The following SH3RF1 variants were observed in gnomAD, a reference collection of about 807,000 sequenced individuals.
SH3RF1 encodes E3 ubiquitin-protein ligase SH3RF1.
A neutral mutation model predicts 74.0 loss-of-function variants in SH3RF1; 32 were observed. The ratio of observed to expected loss-of-function variants is 0.43; its 90% CI spans 0.33 to 0.58. The LOEUF (loss-of-function observed/expected upper bound fraction) is 0.58. SH3RF1 is among the 20% of genes least tolerant of loss of function. The pLI is 0.05. For synonymous variants in SH3RF1, 396 were observed against 439.6 expected (o/e 0.90, Z 1.24); for missense variants, 954 against 1,130.9 (o/e 0.84, Z 2.24).
At chr4:169,189,188 A>G (rs1244820992) in intron 2 of SH3RF1, among the ~76,000 whole-genome samples, 1 of 152,246 alleles carries the variant, frequency 6.6e-6, no homozygotes, top group African/African-American at 2.4e-5. Context: ...GCAAAAGTGA[A>G]TATTTACCAC....
chr4:169,121,031 A>T lies in SH3RF1; in HGVS notation c.1347-42T>A. The T allele has an allele frequency of 2.0e-6, 3 of 1,527,668 alleles. No homozygotes were observed. In the South Asian group the frequency reaches 3.4e-5, roughly 17 times the overall value. The allele number at this position is 1,527,668 out of a possible 1,614,324, so 94.6% of individuals were successfully genotyped here. On this transcript the variant is annotated intron_variant, in intron 7 of 11. Coordinates refer to ENST00000284637, the MANE Select transcript of SH3RF1 (RefSeq NM_020870.4). ...TATTTGATTTCAGGTTGAGTAACAG[A>T]CAAATCCCAAGATGCTCAAAATTCT...
In SH3RF1 at chr4:169,099,669, T is replaced by C. The variant is rs181814635; in HGVS notation, c.2499-2982A>G. Among the ~76,000 whole-genome samples, 8 of 152,306 alleles carry C rather than the reference T, an allele frequency of 5.3e-5. No individual in the cohort carries two copies. The East Asian group carries it at 7.7e-4, about 15-fold the overall frequency. ...CCTTAAAGGTGAAATGGAATAAAAA[T>C]GGTTATTGAAAAACTTGAAGTGAAT... On this transcript the variant is annotated intron_variant, in intron 11 of 11. Coordinates refer to ENST00000284637, the MANE Select transcript of SH3RF1 (RefSeq NM_020870.4).
intron 2 of SH3RF1, among the ~76,000 whole-genome samples, chr4:169,181,476 T>C (rs11931662): frequency 0.39 from 58,689 of 151,670 alleles, 13,301 homozygotes; most frequent in East Asian, 0.71. Context: ...TTGGCCAGGA[T>C]GGTCTCGATC....
chr4:169,101,519 G>A (rs1293943503), intron 11 of SH3RF1, among the ~76,000 whole-genome samples: 1 of 152,046 alleles, frequency 6.6e-6, no homozygotes, highest in Admixed American at 6.6e-5. Context: ...AAAAGTTCTA[G>A]AAACGGATAG....
At chr4:169,117,831 A>G in intron 8 of SH3RF1, 49 bp from the exon 9 acceptor site, 1 of 1,569,588 alleles carries the variant, frequency 6.4e-7, no homozygotes. Context: ...CAGCAAAATG[A>G]CAGAAAGAAC....
intron 2 of SH3RF1, among the ~76,000 whole-genome samples, chr4:169,192,674 G>A (rs1354845477): frequency 6.6e-6 from 1 of 151,876 alleles, no homozygotes; most frequent in East Asian, 1.9e-4. Flanking sequence ...ATATGAAAAA[G>A]ATACTTGAAC....
At position 169,094,628 on chromosome 4, in the gene SH3RF1, GAC is replaced by G. The variant is rs1456425845; in HGVS notation, c.*1889_*1890del. ...AATTTCCCAAAATAAAGAATATTAT[GAC>G]ACATTGGTGTCAACTTACACAGATG... On this transcript the variant is annotated 3_prime_UTR_variant, in exon 12 of 12. Transcript: ENST00000284637. 6.6e-6 allele frequency: 1 copy of G among 152,088 alleles called. No individual in the cohort carries two copies. Among genetic ancestry groups the G allele is most frequent in the African/African-American group, 2.4e-5 (1 of 41,350 alleles). 9.4% of individuals were successfully genotyped at this position (152,088 alleles called of 1,614,324 possible). A position where few individuals can be genotyped will look rare whatever the true frequency, so the allele number is the denominator to read the frequency against.
chr4:169,171,209 T>C (rs1734322044), intron 2 of SH3RF1, among the ~76,000 whole-genome samples: 1 of 152,350 alleles, frequency 6.6e-6, no homozygotes. Flanking sequence ...AGGTTGTTTC[T>C]GTACCTCACT....
At chr4:169,184,665 G>C (rs1251353290) in intron 2 of SH3RF1, among the ~76,000 whole-genome samples, 1 of 152,220 alleles carries the variant, frequency 6.6e-6, no homozygotes, top group Non-Finnish European at 1.5e-5. Context: ...GGCTGGTAGA[G>C]AAAAGATTCC....
At chr4:169,199,561 T>A (rs1271565328) in intron 2 of SH3RF1, among the ~76,000 whole-genome samples, 1 of 151,858 alleles carries the variant, frequency 6.6e-6, no homozygotes, top group Admixed American at 6.6e-5. Context: ...TAGATCTCAG[T>A]CACACAGTAT....
intron 2 of SH3RF1, among the ~76,000 whole-genome samples, chr4:169,231,719 C>T (rs2660402): frequency 0.47 from 70,835 of 152,032 alleles, 17,771 homozygotes; most frequent in East Asian, 0.78. Flanking sequence ...TGCATTACTG[C>T]TCCCTTCCAA....
chr4:169,180,128 G>A (rs1022583368), intron 2 of SH3RF1, among the ~76,000 whole-genome samples: 4 of 152,210 alleles, frequency 2.6e-5, no homozygotes, highest in Non-Finnish European at 4.4e-5. Context: ...CTGCGTGACA[G>A]CAAAGGCTAA....
At chr4:169,192,841 GAT>G (rs973094883) in intron 2 of SH3RF1, among the ~76,000 whole-genome samples, 1 of 146,746 alleles carries the variant, frequency 6.8e-6, no homozygotes, top group African/African-American at 2.5e-5. Context: ...ATATAGATGT[GAT>G]ATATATATCA....
chr4:169,139,090 T>C (rs149147737), intron 4 of SH3RF1, among the ~76,000 whole-genome samples: 1 of 152,286 alleles, frequency 6.6e-6, no homozygotes, highest in East Asian at 1.9e-4. Flanking sequence ...TAGTTGGGAC[T>C]ATAGGTATGC....
At chr4:169,105,850 C>T (rs1420468452) in intron 11 of SH3RF1, among the ~76,000 whole-genome samples, 2 of 152,150 alleles carry the variant, frequency 1.3e-5, no homozygotes, top group African/African-American at 4.8e-5. Context: ...TGCACCACTG[C>T]ACTGAAGCCT....
chr4:169,251,430 T>C (rs890166251), intron 2 of SH3RF1, among the ~76,000 whole-genome samples: 6 of 152,222 alleles, frequency 3.9e-5, no homozygotes, highest in Non-Finnish European at 8.8e-5. Flanking sequence ...CAAAACAAGA[T>C]GACCATCCTC....
chr4:169,174,719 AT>A (rs1241819678), intron 2 of SH3RF1, among the ~76,000 whole-genome samples: 1 of 152,112 alleles, frequency 6.6e-6, no homozygotes, highest in Non-Finnish European at 1.5e-5. Context: ...CTAGGGAGTC[AT>A]TTTTTCTTCT....
intron 2 of SH3RF1, among the ~76,000 whole-genome samples, chr4:169,171,393 C>A (rs1288349040): frequency 6.6e-6 from 1 of 152,150 alleles, no homozygotes; most frequent in African/African-American, 2.4e-5. Flanking sequence ...AGAACAGTCT[C>A]ATTAAGTGCT....
intron 11 of SH3RF1, among the ~76,000 whole-genome samples, chr4:169,104,506 T>C (rs1733098493): frequency 6.6e-6 from 1 of 152,156 alleles, no homozygotes; most frequent in Non-Finnish European, 1.5e-5. Context: ...ATGATTTCAT[T>C]TGTAGGGAGA....
Sources: allele counts gnomAD v4.1 joint callset (sites outside exome capture counted in the v4.1 genomes callset), GRCh38; gene constraint gnomAD v4.1.1; transcripts MANE v1.5; gene names NCBI Gene and HGNC (gene_info 2026-07-23, HGNC 2026-07-21).